Variants in LPP observed in about 807,000 individuals in gnomAD.
The protein encoded by LPP is LIM domain containing preferred translocation partner in lipoma, also known as lipoma-preferred partner.
Under a neutral mutation model 60.4 loss-of-function variants are expected in LPP, and 38 were observed. The observed-to-expected ratio is 0.63, with a 90% CI of 0.49 to 0.83. The LOEUF is 0.83. Ranked by LOEUF, LPP falls within the 40% of genes least tolerant of loss-of-function variation. LPP has a pLI of 0.00. For missense variants in LPP, 902 were observed against 783.6 expected (o/e 1.15, Z -1.80); for synonymous variants, 328 against 290.8 (o/e 1.13, Z -1.30).
intron 2 of LPP, among the ~76,000 whole-genome samples, chr3:188,241,695 G>A (rs1234812705): frequency 3.3e-5 from 5 of 151,920 alleles, no homozygotes; most frequent in African/African-American, 1.2e-4. Context: ...CATCTACATG[G>A]ACAACCTATT....
chr3:188,468,889 G>A (rs1017951599), intron 4 of LPP, among the ~76,000 whole-genome samples: 34 of 152,166 alleles, frequency 2.2e-4, no homozygotes, highest in African/African-American at 7.7e-4. Flanking sequence ...GAGGGAACAA[G>A]TTCCTCACTC....
At chr3:188,299,677 T>G (rs1207555220) in intron 2 of LPP, among the ~76,000 whole-genome samples, 2 of 152,152 alleles carry the variant, frequency 1.3e-5, no homozygotes, top group Non-Finnish European at 2.9e-5. Context: ...GTTCTTGTTT[T>G]TAAAAAAATA....
intron 2 of LPP, among the ~76,000 whole-genome samples, chr3:188,329,338 T>A (rs1191398170): frequency 6.6e-6 from 1 of 152,266 alleles, no homozygotes; most frequent in Non-Finnish European, 1.5e-5. Flanking sequence ...CTCAAGGAAT[T>A]CCAAACTTCT....
At chr3:188,830,683 TTA>T (rs1265409108) in intron 9 of LPP, among the ~76,000 whole-genome samples, 2 of 151,934 alleles carry the variant, frequency 1.3e-5, no homozygotes, top group Admixed American at 1.3e-4. Context: ...GGGAAGAAGG[TTA>T]TGTTTTGGGA....
rs557066033 is a variant in LPP at position 188,883,753 on chromosome 3, AAG to A, written c.*9275_*9276del. 0.023 allele frequency: 4,410 copies of A among 192,234 alleles called. 68 individuals are homozygous for A. Among genetic ancestry groups the A allele is most frequent in the Non-Finnish European group, 0.036 (3,281 of 91,792 alleles). The allele number at this position is 192,234 out of a possible 1,614,324, so 11.9% of individuals were successfully genotyped here. ...GTCTCAAAAAAAAAAAAAAAAAAAA[AAG>A]GTTGGGAAATATTGGTGTATAATCC... On this transcript the variant is annotated 3_prime_UTR_variant, in exon 12 of 12. Transcript: ENST00000617246.
Position 188,584,944 on chromosome 3 carries a change from G to A in LPP, c.430-24217G>A, listed in dbSNP as rs577934863. Reference sequence around the variant, plus strand: ...AACACTTTTTAAAACTAGGATGAAAGTTTTTTCATGTAGTTGAAATGAAGC... The same window carrying A: ...AACACTTTTTAAAACTAGGATGAAAATTTTTTCATGTAGTTGAAATGAAGC... On this transcript the variant is annotated intron_variant, in intron 6 of 11. Coordinates refer to ENST00000617246, the MANE Select transcript of LPP (RefSeq NM_001375462.1). Among the ~76,000 whole-genome samples, 12 of 152,188 alleles carry A rather than the reference G, an allele frequency of 7.9e-5. No homozygotes were observed. The South Asian group carries it at 1.2e-3, about 16-fold the overall frequency.
chr3:188,186,905 C>T (rs1234183791), intron 1 of LPP, among the ~76,000 whole-genome samples: 1 of 152,186 alleles, frequency 6.6e-6, no homozygotes, highest in Non-Finnish European at 1.5e-5. Context: ...CTTCCCAAGT[C>T]TTGACAGTTA....
intron 2 of LPP, among the ~76,000 whole-genome samples, chr3:188,226,958 A>T (rs1439782203): frequency 6.6e-6 from 1 of 152,136 alleles, no homozygotes; most frequent in East Asian, 1.9e-4. Flanking sequence ...TTCAAACATG[A>T]TCTGGAATAT....
At chr3:188,373,967 C>A (rs1240830051) in intron 3 of LPP, among the ~76,000 whole-genome samples, 2 of 152,170 alleles carry the variant, frequency 1.3e-5, no homozygotes, top group Non-Finnish European at 2.9e-5. Flanking sequence ...AATAGGGAAT[C>A]CTTTCCCCAT....
intron 3 of LPP, among the ~76,000 whole-genome samples, chr3:188,400,218 T>A (rs1781920710): frequency 6.6e-6 from 1 of 152,196 alleles, no homozygotes. Context: ...AAGTGCTGAT[T>A]TCCTTTGAAT....
chr3:188,634,161 G>A (rs1025072739), intron 7 of LPP, among the ~76,000 whole-genome samples: 3 of 152,110 alleles, frequency 2.0e-5, no homozygotes, highest in Admixed American at 6.5e-5. Context: ...CTTTCTTTTC[G>A]TTTCTTTTCT....
chr3:188,722,189 G>A (rs935166879), intron 8 of LPP, among the ~76,000 whole-genome samples: 12 of 152,234 alleles, frequency 7.9e-5, no homozygotes, highest in African/African-American at 2.6e-4. Flanking sequence ...TAATAAAAGT[G>A]GAATAGGATG....
In LPP at chr3:188,880,756, C is replaced by T. The variant is rs897115492; in HGVS notation, c.*6277C>T. The T allele has an allele frequency of 6.5e-5, 12 of 183,636 alleles. No homozygotes were observed. The highest frequency in any genetic ancestry group is 2.8e-4 in the African/African-American group (12 of 42,566). 11.4% of individuals were successfully genotyped at this position (183,636 alleles called of 1,614,324 possible). A position where few individuals can be genotyped will look rare whatever the true frequency, so the allele number is the denominator to read the frequency against. ...GAATGTAGCTTCTAAAATCAGTTCTCTACCCTACGAATGGAATGTTCTACC... is the reference window on the plus strand; with the variant it reads ...GAATGTAGCTTCTAAAATCAGTTCTTTACCCTACGAATGGAATGTTCTACC... On this transcript the variant is annotated 3_prime_UTR_variant, in exon 12 of 12. Coordinates refer to ENST00000617246, the MANE Select transcript of LPP (RefSeq NM_001375462.1).
chr3:188,622,729 T>G (rs1846022874), intron 7 of LPP, among the ~76,000 whole-genome samples: 1 of 152,144 alleles, frequency 6.6e-6, no homozygotes, highest in East Asian at 1.9e-4. Flanking sequence ...AAACATTACT[T>G]TTTGGAAAAA....
Position 188,610,055 on chromosome 3 carries a change from G to C in LPP, c.1113+211G>C, listed in dbSNP as rs1201534846. 6.6e-6 allele frequency among the ~76,000 whole-genome samples: 1 copy of C among 152,166 alleles called. No homozygotes were observed. The highest frequency in any genetic ancestry group is 6.5e-5 in the Admixed American group (1 of 15,282). ...CCACTGTTTAGTATCAAATGGAATT[G>C]CTTGCTCAATCTCAGAGAATCATCT... On this transcript the variant is annotated intron_variant, in intron 7 of 11. Coordinates refer to ENST00000617246, the MANE Select transcript of LPP (RefSeq NM_001375462.1). This position sits in a 1 kb window ranked among gnomAD's most constrained non-coding sequence, Gnocchi z 4.4.
At position 188,708,504 on chromosome 3, in the gene LPP, A is replaced by G; in HGVS notation, c.1240+111A>G. 6 of 1,415,762 alleles carry G rather than the reference A, an allele frequency of 4.2e-6. No individual in the cohort carries two copies. The South Asian group carries it at 5.9e-5, about 14-fold the overall frequency. The allele number at this position is 1,415,762 out of a possible 1,614,324, so 87.7% of individuals were successfully genotyped here. On this transcript the variant is annotated intron_variant, in intron 8 of 11. Coordinates refer to ENST00000617246, the MANE Select transcript of LPP (RefSeq NM_001375462.1). ...TGGTAAAGTATTTGAGTCCAGATGC[A>G]TGAGAGTTGATATACATCCCCGCAC...
At chr3:188,418,775 A>G (rs536593526) in intron 4 of LPP, among the ~76,000 whole-genome samples, 1 of 152,254 alleles carries the variant, frequency 6.6e-6, no homozygotes, top group Admixed American at 6.5e-5. Context: ...TTTCTCAAAT[A>G]GTGTCTCAAG....
chr3:188,888,264 G>C lies in LPP; in HGVS notation c.*13785G>C, dbSNP rs1476809719. 1 of 224,754 alleles carries C rather than the reference G, an allele frequency of 4.4e-6. No homozygotes were observed. Among genetic ancestry groups the C allele is most frequent in the Non-Finnish European group, 8.9e-6 (1 of 112,656 alleles). The allele number at this position is 224,754 out of a possible 1,614,324, so 13.9% of individuals were successfully genotyped here. A position where few individuals can be genotyped will look rare whatever the true frequency, so the allele number is the denominator to read the frequency against. On this transcript the variant is annotated 3_prime_UTR_variant, in exon 12 of 12. Transcript: ENST00000617246. ...AGACATACAAAAAAGGAAAGGGAAA[G>C]GACTTTCTAAGTAGCAAATCTGTGC...
chr3:188,433,391 G>C (rs765225151), intron 4 of LPP, among the ~76,000 whole-genome samples: 1 of 152,198 alleles, frequency 6.6e-6, no homozygotes, highest in African/African-American at 2.4e-5. Context: ...ATGTCAGGAT[G>C]TTGTCTGCAT....
Sources: gnomAD v4.1 joint callset for allele counts (sites outside exome capture counted in the v4.1 genomes callset) on GRCh38, gnomAD v4.1.1 for gene constraint, Gnocchi (gnomAD v3.1) non-coding constraint, MANE v1.5 for transcripts, NCBI Gene and HGNC (gene_info 2026-07-23, HGNC 2026-07-21) for gene names.